Variants in FRMPD1 observed in about 807,000 individuals in gnomAD.
FRMPD1 encodes the protein FERM and PDZ domain containing 1, also known as FERM and PDZ domain-containing protein 1.
FRMPD1 carries 76 observed loss-of-function variants against 117.8 expected under a neutral mutation model. That is an observed-to-expected ratio of 0.65 (90% CI 0.54 to 0.78). The LOEUF is 0.78. Among genes scored for constraint, FRMPD1 ranks in the 30% least tolerant of loss-of-function variants. The pLI is 0.00. For missense variants in FRMPD1, 1,786 were observed against 1,964.5 expected, an observed-to-expected ratio of 0.91 and a Z score of 1.72; for synonymous variants, 783 against 770.4, an observed-to-expected ratio of 1.02 and a Z score of -0.27.
At chr9:37,713,027 C>T (rs1158977162) in intron 5 of FRMPD1, among the ~76,000 whole-genome samples, 1 of 151,718 alleles carries the variant, frequency 6.6e-6, no homozygotes, top group Non-Finnish European at 1.5e-5. Context: ...TACTATGTTC[C>T]TTGATGGGGA....
chr9:37,673,244 G>A (rs535484359), intron 1 of FRMPD1, among the ~76,000 whole-genome samples: 1 of 152,294 alleles, frequency 6.6e-6, no homozygotes, highest in Non-Finnish European at 1.5e-5. Flanking sequence ...CCAAAACAAA[G>A]GTGTTACAGG....
At chr9:37,721,671 G>A (rs1015261625) in intron 6 of FRMPD1, among the ~76,000 whole-genome samples, 4 of 152,126 alleles carry the variant, frequency 2.6e-5, no homozygotes, top group African/African-American at 7.2e-5. Flanking sequence ...TAATTTAAAT[G>A]TGAAAATCCA....
At chr9:37,629,376 T>C in the FRMPD1 span, among the ~76,000 whole-genome samples, 1 of 152,192 alleles carries the variant, frequency 6.6e-6, no homozygotes, top group South Asian at 2.1e-4. Context: ...ATGTAGGCAA[T>C]TGAGGCAGAT....
chr9:37,745,411 G>A lies in FRMPD1; in HGVS notation c.3379G>A (p.Glu1127Lys). The A allele has an allele frequency of 6.2e-7, 1 of 1,614,126 alleles. No homozygotes were observed. The highest frequency in any genetic ancestry group is 8.5e-7 in the Non-Finnish European group (1 of 1,179,976). Residue 1127 changes from glutamate (E) to lysine (K), a missense_variant, in exon 16 of 16, where the codon GAG becomes AAG. Coordinates refer to ENST00000377765, the MANE Select transcript of FRMPD1 (RefSeq NM_014907.3). ...CAAAAATGGCACCAACGTATTTCAGGAGGAGTCTAGGAAGGATTCAGGTGA... is the reference window on the plus strand; with the variant it reads ...CAAAAATGGCACCAACGTATTTCAGAAGGAGTCTAGGAAGGATTCAGGTGA... ...TNKNGTNVFQ[E>K]ESRKDSGDSP...
intron 10 of FRMPD1, 116 bp downstream of exon 10, chr9:37,732,556 T>G: frequency 1.0e-6 from 1 of 988,272 alleles, no homozygotes; most frequent in East Asian, 2.7e-5. Context: ...TCTGTTGTCT[T>G]TCCATCCATT....
At chr9:37,719,734 G>C (rs1426384784) in intron 6 of FRMPD1, among the ~76,000 whole-genome samples, 1 of 152,150 alleles carries the variant, frequency 6.6e-6, no homozygotes, top group Non-Finnish European at 1.5e-5. Context: ...CAGGAGCCCA[G>C]GTCCATGTGA....
intron 2 of FRMPD1, among the ~76,000 whole-genome samples, chr9:37,697,871 C>T (rs759990257): frequency 7.9e-5 from 12 of 152,204 alleles, no homozygotes; most frequent in Non-Finnish European, 1.5e-4. Context: ...AATCCCAGCA[C>T]TTTGGGAAGC....
At chr9:37,732,967 A>G (rs777661201) in intron 10 of FRMPD1, among the ~76,000 whole-genome samples, 3 of 152,148 alleles carry the variant, frequency 2.0e-5, no homozygotes, top group African/African-American at 4.8e-5. Flanking sequence ...ATTTTTAAAA[A>G]TACAGCATAT....
chr9:37,619,778 T>C, the FRMPD1 span, among the ~76,000 whole-genome samples: 17 of 149,902 alleles, frequency 1.1e-4, no homozygotes, highest in African/African-American at 4.2e-4. Context: ...AAAAAAGAAA[T>C]TGAATCGAAA....
chr9:37,640,584 T>C, the FRMPD1 span, among the ~76,000 whole-genome samples: 2 of 152,352 alleles, frequency 1.3e-5, no homozygotes, highest in East Asian at 3.9e-4. Context: ...TCCTACGCTC[T>C]GGAAGGTCGG....
At chr9:37,688,010 G>A (rs1016229295) in intron 1 of FRMPD1, among the ~76,000 whole-genome samples, 3 of 152,066 alleles carry the variant, frequency 2.0e-5, no homozygotes, top group African/African-American at 7.2e-5. Flanking sequence ...TCAGGACAAA[G>A]ATAGTATGAA....
chr9:37,668,494 A>T (rs917227997), intron 1 of FRMPD1: 1 of 152,320 alleles, frequency 6.6e-6, no homozygotes, highest in Non-Finnish European at 1.5e-5. Context: ...GTGTGCTGGG[A>T]GGCCCGGGAG....
At chr9:37,638,064 C>CTTCTT in the FRMPD1 span, among the ~76,000 whole-genome samples, 127 of 86,604 alleles carry the variant, frequency 1.5e-3, 5 homozygotes, top group Non-Finnish European at 2.1e-3. Flanking sequence ...TCTTTCTTTC[C>CTTCTT]TTCTTTTCTT....
the FRMPD1 span, chr9:37,637,105 G>A: frequency 6.3e-7 from 1 of 1,589,888 alleles, no homozygotes; most frequent in South Asian, 1.1e-5. Flanking sequence ...GGCCCGCCGT[G>A]TCCCAGATCT....
At chr9:37,646,167 TA>T (rs1238131412), upstream of FRMPD1, among the ~76,000 whole-genome samples, 2 of 152,218 alleles carry the variant, frequency 1.3e-5, no homozygotes, top group Admixed American at 6.5e-5. Flanking sequence ...AGCCTTGATG[TA>T]ACTGTCTCAT....
At chr9:37,655,252 C>T (rs548981478) in intron 1 of FRMPD1, among the ~76,000 whole-genome samples, 1 of 152,306 alleles carries the variant, frequency 6.6e-6, no homozygotes, top group South Asian at 2.1e-4. Flanking sequence ...AGTGACCAAG[C>T]CCTGTTATTT....
Position 37,672,881 on chromosome 9 carries a change from G to C in FRMPD1, c.-4-19757G>C, listed in dbSNP as rs560784788. Among the ~76,000 whole-genome samples, 6 of 152,180 alleles carry C rather than the reference G, an allele frequency of 3.9e-5. No homozygotes were observed. The East Asian group carries it at 9.7e-4, about 25-fold the overall frequency. Reference sequence around the variant, plus strand: ...GACTAGCATAGGAAAGACCAGCCCCGTGATTAAATTACCTCCCTCTAGGTC... The same window carrying C: ...GACTAGCATAGGAAAGACCAGCCCCCTGATTAAATTACCTCCCTCTAGGTC... On this transcript the variant is annotated intron_variant, in intron 1 of 15. Transcript: ENST00000377765.
At chr9:37,696,132 A>G (rs1822316885) in intron 2 of FRMPD1, among the ~76,000 whole-genome samples, 1 of 130,658 alleles carries the variant, frequency 7.7e-6, no homozygotes. Context: ...CTTGCTGTTC[A>G]GTTGGCCTGG....
At chr9:37,628,174 CT>C in the FRMPD1 span, among the ~76,000 whole-genome samples, 3 of 152,190 alleles carry the variant, frequency 2.0e-5, no homozygotes, top group Non-Finnish European at 2.9e-5. Context: ...TTGGGTATGT[CT>C]TTTCACCTAA....
Sources: allele counts gnomAD v4.1 joint callset (sites outside exome capture counted in the v4.1 genomes callset), GRCh38; gene constraint gnomAD v4.1.1; transcripts MANE v1.5; gene names NCBI Gene and HGNC (gene_info 2026-07-23, HGNC 2026-07-21).